Variants in SEMA5A observed in about 807,000 individuals in gnomAD.
SEMA5A encodes semaphorin 5A.
A neutral mutation model predicts 135.5 loss-of-function variants in SEMA5A; 55 were observed. The observed-to-expected ratio is 0.41, with a 90% CI of 0.33 to 0.51. SEMA5A has a LOEUF of 0.51. Among genes scored for constraint, SEMA5A ranks in the 20% least tolerant of loss-of-function variants. The probability of loss-of-function intolerance (pLI) is 0.37; values close to 1 mark genes in which losing one functional copy is unlikely to be tolerated. For missense variants in SEMA5A, 1,290 were observed against 1,419.9 expected, an observed-to-expected ratio of 0.91 and a Z score of 1.47; for synonymous variants, 580 against 546.5, an observed-to-expected ratio of 1.06 and a Z score of -0.85.
intron 2 of SEMA5A, among the ~76,000 whole-genome samples, chr5:9,435,995 G>C (rs1758015316): frequency 6.6e-6 from 1 of 152,172 alleles, no homozygotes; most frequent in Non-Finnish European, 1.5e-5. Context: ...CATGGTTAGT[G>C]CTAAAAGGCA....
At chr5:9,094,957 T>C (rs908908236) in intron 16 of SEMA5A, among the ~76,000 whole-genome samples, 12 of 151,796 alleles carry the variant, frequency 7.9e-5, no homozygotes, top group Non-Finnish European at 1.3e-4. Flanking sequence ...GCAAGTCAAA[T>C]AGATCTTGAA....
intron 2 of SEMA5A, among the ~76,000 whole-genome samples, chr5:9,387,887 T>G (rs1285399744): frequency 2.6e-5 from 4 of 152,192 alleles, no homozygotes; most frequent in Non-Finnish European, 5.9e-5. Flanking sequence ...ATATCACATC[T>G]CTTCAATTTT....
chr5:9,332,879 G>C (rs1012578934), intron 4 of SEMA5A, among the ~76,000 whole-genome samples: 2 of 152,210 alleles, frequency 1.3e-5, no homozygotes, highest in Admixed American at 6.5e-5. Context: ...CCTGATCCAA[G>C]TATTGGGTCT....
At chr5:9,370,335 A>AG (rs898266169) in intron 3 of SEMA5A, among the ~76,000 whole-genome samples, 10 of 152,164 alleles carry the variant, frequency 6.6e-5, no homozygotes, top group African/African-American at 2.4e-4. Flanking sequence ...CATATTTTCA[A>AG]GGTAGGATGG....
At chr5:9,427,339 G>GA (rs1177244592) in intron 2 of SEMA5A, among the ~76,000 whole-genome samples, 35 of 152,158 alleles carry the variant, frequency 2.3e-4, no homozygotes, top group African/African-American at 8.2e-4. Flanking sequence ...TCAACTCCTA[G>GA]AAAATACTGC....
chr5:9,170,620 G>A (rs1198674912), intron 11 of SEMA5A, among the ~76,000 whole-genome samples: 1 of 152,056 alleles, frequency 6.6e-6, no homozygotes, highest in Non-Finnish European at 1.5e-5. Flanking sequence ...ATAGGTCTCA[G>A]AGCCCTGCCT....
intron 16 of SEMA5A, among the ~76,000 whole-genome samples, chr5:9,096,908 G>T (rs1015428960): frequency 7.2e-5 from 11 of 152,060 alleles, no homozygotes; most frequent in African/African-American, 2.2e-4. Context: ...CCTTACGCCT[G>T]TTAGGACAGG....
chr5:9,364,171 C>T (rs183336997), intron 3 of SEMA5A, among the ~76,000 whole-genome samples: 1 of 152,278 alleles, frequency 6.6e-6, no homozygotes. Context: ...TTATTATTTT[C>T]ATATGTTCTT....
chr5:9,225,931 A>G (rs1005277767), intron 7 of SEMA5A, among the ~76,000 whole-genome samples: 7 of 152,074 alleles, frequency 4.6e-5, no homozygotes, highest in Non-Finnish European at 7.4e-5. Flanking sequence ...CTGCTATGAG[A>G]TGTGTACCTG....
Position 9,036,318 on chromosome 5 carries a change from A to G in SEMA5A, c.*6579T>C, listed in dbSNP as rs938581049. ...AATACTATTACTTTTCTTAACCCAA[A>G]TTAAGAGTGACAACTTTTGTGAACT... On this transcript the variant is annotated 3_prime_UTR_variant, in exon 23 of 23. Coordinates refer to ENST00000382496, the MANE Select transcript of SEMA5A (RefSeq NM_003966.3). 1 of 152,240 alleles carries G rather than the reference A, an allele frequency of 6.6e-6. No homozygotes were observed. The highest frequency in any genetic ancestry group is 1.5e-5 in the Non-Finnish European group (1 of 68,040). 9.4% of individuals were successfully genotyped at this position (152,240 alleles called of 1,614,324 possible).
chr5:9,066,595 G>A lies in SEMA5A; in HGVS notation c.2125C>T (p.Pro709Ser), dbSNP rs1737482526. 5.0e-6 allele frequency: 8 copies of A among 1,614,160 alleles called. No homozygotes were observed. The highest frequency in any genetic ancestry group is 6.8e-6 in the Non-Finnish European group (8 of 1,180,042). Residue 709 changes from proline (P) to serine (S), a missense_variant, in exon 17 of 23, where the codon CCC (proline) becomes TCC (serine). Around this residue, in one of 3 missense-constraint regions of SEMA5A, gnomAD observed 1,029 missense variants for 1,086.6 expected, o/e 0.95. Coordinates refer to ENST00000382496, the MANE Select transcript of SEMA5A (RefSeq NM_003966.3). ...TTGACAGGTGTCCAGGGTGTCCAGG[G>A]CGTGGTCTTCTTCAGCTCAGGACAC... ...NPCPELKKTT[P>S]WTPWTPVNIS...
At chr5:9,274,627 C>CTG (rs1237347008) in intron 5 of SEMA5A, among the ~76,000 whole-genome samples, 3 of 152,206 alleles carry the variant, frequency 2.0e-5, no homozygotes, top group Admixed American at 6.5e-5. Context: ...TCATAAAAAA[C>CTG]TGTCTCTCAG....
At chr5:9,541,188 T>C (rs925694126) in intron 1 of SEMA5A, among the ~76,000 whole-genome samples, 2 of 152,238 alleles carry the variant, frequency 1.3e-5, no homozygotes, top group African/African-American at 4.8e-5. Flanking sequence ...TCTCAACAAA[T>C]ATAGTATTAT....
chr5:9,157,154 C>T (rs1230887775), intron 11 of SEMA5A, among the ~76,000 whole-genome samples: 2 of 150,352 alleles, frequency 1.3e-5, no homozygotes, highest in South Asian at 2.2e-4. Flanking sequence ...TCCCCCTTCC[C>T]TCTGCATCAG....
chr5:9,469,096 C>T (rs13172331), intron 1 of SEMA5A, among the ~76,000 whole-genome samples: 43,713 of 151,874 alleles, frequency 0.29, 6,622 homozygotes, highest in East Asian at 0.52. Flanking sequence ...GCAACCTCCG[C>T]CTCCCAGATT....
chr5:9,052,167 G>T, intron 19 of SEMA5A, 139 bp from the exon 20 acceptor site: 1 of 940,632 alleles, frequency 1.1e-6, no homozygotes, highest in Non-Finnish European at 1.5e-6. Flanking sequence ...GCATCAGTAA[G>T]ATGTAGTTGT....
chr5:9,297,612 T>C (rs1317197217), intron 5 of SEMA5A, among the ~76,000 whole-genome samples: 1 of 152,088 alleles, frequency 6.6e-6, no homozygotes, highest in Non-Finnish European at 1.5e-5. Flanking sequence ...TGGAGTGTAG[T>C]GGCATGATCT....
intron 13 of SEMA5A, among the ~76,000 whole-genome samples, chr5:9,123,061 T>C (rs1740902994): frequency 6.6e-6 from 1 of 151,642 alleles, no homozygotes; most frequent in African/African-American, 2.4e-5. Flanking sequence ...GAGACCATCC[T>C]GGCTAACACG....
chr5:9,123,389 A>G (rs1740934427), intron 13 of SEMA5A, among the ~76,000 whole-genome samples: 1 of 148,880 alleles, frequency 6.7e-6, no homozygotes, highest in East Asian at 2.0e-4. Context: ...GAAAGGGGAG[A>G]CAGAAAATAA....
Sources: gnomAD v4.1 joint callset for allele counts (sites outside exome capture counted in the v4.1 genomes callset) on GRCh38, gnomAD v4.1.1 for gene constraint, gnomAD v4.1.1 regional missense constraint, MANE v1.5 for transcripts, NCBI Gene and HGNC (gene_info 2026-07-23, HGNC 2026-07-21) for gene names.